The following CLNK variants were observed in gnomAD, a reference collection of about 807,000 sequenced individuals.
CLNK encodes cytokine-dependent hematopoietic cell linker.
A neutral mutation model predicts 68.6 loss-of-function variants in CLNK; 74 were observed. That is an observed-to-expected ratio of 1.08 (90% CI 0.89 to 1.31). The LOEUF is 1.31. CLNK is among the 50% of genes most tolerant of loss of function. The pLI is 0.00. For missense variants in CLNK, 553 were observed against 515.3 expected (o/e 1.07, Z -0.71); for synonymous variants, 198 against 172.2 (o/e 1.15, Z -1.17).
At chr4:10,566,292 T>C (rs1168233597) in intron 5 of CLNK, 142 bp from the exon 6 acceptor site, 1 of 796,096 alleles carries the variant, frequency 1.3e-6, no homozygotes, top group Non-Finnish European at 2.0e-6. Flanking sequence ...GGATCTTAAA[T>C]AGAAGTTTAA....
intron 18 of CLNK, among the ~76,000 whole-genome samples, chr4:10,496,959 CTGTTTTTGTTGCTT>C: frequency 6.6e-6 from 1 of 152,216 alleles, no homozygotes; most frequent in African/African-American, 2.4e-5. Flanking sequence ...CGATAAATCT[CTGTTTTTGTTGCTT>C]CATTCTTTCC....
chr4:10,702,113 A>G, the CLNK span, among the ~76,000 whole-genome samples: 1 of 152,206 alleles, frequency 6.6e-6, no homozygotes, highest in Non-Finnish European at 1.5e-5. Context: ...GACAATGAGA[A>G]GCCATTGAAG....
intron 11 of CLNK, 119 bp downstream of exon 11, chr4:10,540,375 T>A: frequency 1.4e-6 from 1 of 717,688 alleles, no homozygotes; most frequent in Non-Finnish European, 2.5e-6. Flanking sequence ...AATGGACCAA[T>A]ACACTCCCCA....
At chr4:10,685,363 T>G (rs1298136858), upstream of CLNK, among the ~76,000 whole-genome samples, 1 of 152,202 alleles carries the variant, frequency 6.6e-6, no homozygotes, top group Non-Finnish European at 1.5e-5. Context: ...ATTGAGGAAA[T>G]GATATTTCCT....
Position 10,546,015 on chromosome 4 carries a change from TC to T in CLNK, c.446-3736del, listed in dbSNP as rs1263824982. Among the ~76,000 whole-genome samples the T allele has an allele frequency of 2.0e-5, 3 of 152,124 alleles. No homozygotes were observed. The East Asian group carries it at 5.8e-4, about 29-fold the overall frequency. ...CAGTCCTATCCCCTGAAACCTTTCT[TC>T]CATCCTAGAACTCTAGGCCTGTGAT... On this transcript the variant is annotated intron_variant, in intron 8 of 18. Coordinates refer to ENST00000226951, the MANE Select transcript of CLNK (RefSeq NM_052964.4).
intron 2 of CLNK, among the ~76,000 whole-genome samples, chr4:10,635,336 C>T (rs905394104): frequency 6.6e-6 from 1 of 152,132 alleles, no homozygotes; most frequent in Non-Finnish European, 1.5e-5. Context: ...GGAGATCCTG[C>T]CTGGGTAATC....
At chr4:10,552,245 C>A (rs887941694) in intron 8 of CLNK, among the ~76,000 whole-genome samples, 1 of 152,118 alleles carries the variant, frequency 6.6e-6, no homozygotes, top group Non-Finnish European at 1.5e-5. Context: ...GCAAAGCTAC[C>A]TTTGGAACAC....
chr4:10,586,785 C>A (rs1392356445), intron 3 of CLNK, among the ~76,000 whole-genome samples: 1 of 152,180 alleles, frequency 6.6e-6, no homozygotes, highest in Non-Finnish European at 1.5e-5. Context: ...CTGTATCTCA[C>A]CACCATTAAA....
chr4:10,602,048 C>T (rs1367649510), intron 2 of CLNK, among the ~76,000 whole-genome samples: 2 of 152,234 alleles, frequency 1.3e-5, no homozygotes, highest in African/African-American at 2.4e-5. Flanking sequence ...ACACTCCAGA[C>T]TGTTTTCTTG....
intron 12 of CLNK, among the ~76,000 whole-genome samples, chr4:10,531,199 A>C (rs574771773): frequency 1.5e-3 from 229 of 152,270 alleles, no homozygotes; most frequent in Middle Eastern, 6.8e-3. Context: ...GTTGTTGGAC[A>C]GTCTTCATCA....
At chr4:10,652,131 A>C (rs1723766745) in intron 2 of CLNK, among the ~76,000 whole-genome samples, 1 of 152,136 alleles carries the variant, frequency 6.6e-6, no homozygotes, top group African/African-American at 2.4e-5. Context: ...CTGTAATCCC[A>C]GCACTTTGGG....
At chr4:10,620,553 C>T (rs1722397377) in intron 2 of CLNK, among the ~76,000 whole-genome samples, 1 of 152,134 alleles carries the variant, frequency 6.6e-6, no homozygotes, top group Non-Finnish European at 1.5e-5. Context: ...ATCTCATATC[C>T]GTAAGGTTTC....
chr4:10,572,985 C>T (rs571968991), intron 4 of CLNK, among the ~76,000 whole-genome samples: 1 of 152,236 alleles, frequency 6.6e-6, no homozygotes, highest in African/African-American at 2.4e-5. Flanking sequence ...CACACCACCA[C>T]ACCCAGCTAA....
At chr4:10,698,178 C>G in the CLNK span, among the ~76,000 whole-genome samples, 1 of 152,076 alleles carries the variant, frequency 6.6e-6, no homozygotes, top group Admixed American at 6.6e-5. Context: ...AAATTGGAAG[C>G]CTCTGGTGGT....
chr4:10,685,342 A>T (rs887585806), upstream of CLNK, among the ~76,000 whole-genome samples: 1 of 152,182 alleles, frequency 6.6e-6, no homozygotes, highest in Non-Finnish European at 1.5e-5. Flanking sequence ...ATTGAGGATT[A>T]TATTTCCTTC....
chr4:10,596,396 T>G (rs1262755222), intron 3 of CLNK, among the ~76,000 whole-genome samples: 1 of 152,212 alleles, frequency 6.6e-6, no homozygotes, highest in Non-Finnish European at 1.5e-5. Context: ...ACACGGCTAA[T>G]AAGCAGCTCA....
intron 18 of CLNK, among the ~76,000 whole-genome samples, chr4:10,492,107 AG>A (rs1716599310): frequency 6.6e-6 from 1 of 152,214 alleles, no homozygotes; most frequent in Admixed American, 6.5e-5. Context: ...TGAGGTGAAC[AG>A]GGCAGGGGGA....
At chr4:10,579,778 C>T (rs1210476641) in intron 4 of CLNK, among the ~76,000 whole-genome samples, 2 of 152,170 alleles carry the variant, frequency 1.3e-5, no homozygotes, top group Non-Finnish European at 2.9e-5. Context: ...TGCCTGGCAA[C>T]ATGGCCACCC....
chr4:10,671,321 G>A (rs1724627831), intron 1 of CLNK, among the ~76,000 whole-genome samples: 1 of 152,028 alleles, frequency 6.6e-6, no homozygotes, highest in Admixed American at 6.6e-5. Flanking sequence ...GGGAGGTAGA[G>A]GCTGCAGTGA....
Sources: allele counts gnomAD v4.1 joint callset (sites outside exome capture counted in the v4.1 genomes callset), GRCh38; gene constraint gnomAD v4.1.1; transcripts MANE v1.5; gene names NCBI Gene and HGNC (gene_info 2026-07-23, HGNC 2026-07-21).